ANKDD1A: variants seen among roughly 807,000 people sequenced by gnomAD.
ANKDD1A encodes the protein ankyrin repeat and death domain-containing protein 1A.
A neutral mutation model predicts 63.5 loss-of-function variants in ANKDD1A; 59 were observed. The ratio of observed to expected loss-of-function variants is 0.93; its 90% confidence interval spans 0.75 to 1.15. ANKDD1A has a LOEUF of 1.15. ANKDD1A is among the 50% of genes most tolerant of loss of function. The pLI, the probability that ANKDD1A is intolerant of heterozygous loss-of-function variation, is 0.00. For synonymous variants in ANKDD1A, 266 were observed against 263.9 expected (o/e 1.01, Z -0.08); for missense variants, 632 against 656.4 (o/e 0.96, Z 0.41).
chr15:64,950,067 TG>T, intron 14 of ANKDD1A, 95 bp downstream of exon 14: 1 of 1,554,720 alleles, frequency 6.4e-7, no homozygotes. Flanking sequence ...ACAAGAATGC[TG>T]TGATGCTGGC....
intron 14 of ANKDD1A, among the ~76,000 whole-genome samples, chr15:64,952,334 TCTC>T (rs1417768785): frequency 1.8e-3 from 39 of 21,816 alleles, no homozygotes; most frequent in East Asian, 0.011. Context: ...CCTTCTTCCT[TCTC>T]CTTCTTCTTA....
At chr15:64,929,550 G>C (rs2085072714) in intron 6 of ANKDD1A, among the ~76,000 whole-genome samples, 1 of 152,176 alleles carries the variant, frequency 6.6e-6, no homozygotes, top group East Asian at 1.9e-4. Context: ...TGCGCCCTCT[G>C]CCCTGCCCCA....
chr15:64,927,906 G>A (rs1000496130), intron 6 of ANKDD1A, among the ~76,000 whole-genome samples: 1 of 152,188 alleles, frequency 6.6e-6, no homozygotes, highest in South Asian at 2.1e-4. Flanking sequence ...CGCCCGGCCT[G>A]TTACAGCAAA....
chr15:64,950,727 C>CGGGGGGGGGGGGGG, intron 14 of ANKDD1A: 2 of 425,070 alleles, frequency 4.7e-6, no homozygotes, highest in Non-Finnish European at 5.2e-6. Context: ...AAAGAAAGGA[C>CGGGGGGGGGGGGGG]CGCCCCCCCC....
chr15:64,952,662 C>CTTCTCCTCCT (rs1566916901), intron 14 of ANKDD1A, among the ~76,000 whole-genome samples: 637 of 86,340 alleles, frequency 7.4e-3, no homozygotes, highest in Non-Finnish European at 0.012. Flanking sequence ...CTTCTTCTTC[C>CTTCTCCTCCT]CCTTCTTCCT....
chr15:64,915,772 C>A, intron 1 of ANKDD1A, 25 bp from the exon 2 acceptor site: 1 of 1,605,020 alleles, frequency 6.2e-7, no homozygotes, highest in South Asian at 1.1e-5. Context: ...TCCCCCTCAT[C>A]CTGCACCCCA....
intron 11 of ANKDD1A, 108 bp downstream of exon 11, chr15:64,943,690 C>A: frequency 9.4e-7 from 1 of 1,059,498 alleles, no homozygotes; most frequent in Non-Finnish European, 1.4e-6. Context: ...TGTTCAAGGA[C>A]TGTCATCCTT....
intron 14 of ANKDD1A, among the ~76,000 whole-genome samples, chr15:64,951,720 C>CGTTCCTTTCTTTTCTTTCTTT (rs1276132353): frequency 7.3e-6 from 1 of 136,252 alleles, no homozygotes; most frequent in African/African-American, 2.7e-5. Context: ...TCTTTTTCTT[C>CGTTCCTTTCTTTTCTTTCTTT]CCTTTTCTTC....
At chr15:64,913,155 C>T (rs557794648) in intron 1 of ANKDD1A, among the ~76,000 whole-genome samples, 1 of 152,314 alleles carries the variant, frequency 6.6e-6, no homozygotes, top group African/African-American at 2.4e-5. Flanking sequence ...CCAGGCCAAT[C>T]CCCCTAAGCT....
chr15:64,917,167 G>A (rs906668232), intron 2 of ANKDD1A, among the ~76,000 whole-genome samples: 15 of 152,202 alleles, frequency 9.9e-5, no homozygotes, highest in Admixed American at 3.3e-4. Context: ...AGTTTTAGAT[G>A]GGGACAGATG....
Position 64,951,770 on chromosome 15 carries a change from CTT to C in ANKDD1A, c.1483+1799_1483+1800del, listed in dbSNP as rs1370652226. Reference sequence around the variant, plus strand: ...CTCTTCTTCCTTCTTTCCTTTTCTTCTTCTTTCCTTTCTTCTTCCTTCTTTCT... The same window carrying C: ...CTCTTCTTCCTTCTTTCCTTTTCTTCCTTTCCTTTCTTCTTCCTTCTTTCT... On this transcript the variant is annotated intron_variant, in intron 14 of 14. Coordinates refer to ENST00000319580, the MANE Select transcript of ANKDD1A (RefSeq NM_182703.6). 5.9e-3 allele frequency among the ~76,000 whole-genome samples: 806 copies of C among 136,972 alleles called. 3 individuals are homozygous for C. Among genetic ancestry groups the C allele is most frequent in the Non-Finnish European group, 9.6e-3 (618 of 64,230 alleles). 89.9% of individuals were successfully genotyped at this position (136,972 alleles called of 152,430 possible).
intron 4 of ANKDD1A, 75 bp downstream of exon 4, chr15:64,922,094 TC>T: frequency 1.4e-6 from 2 of 1,385,294 alleles, no homozygotes; most frequent in Non-Finnish European, 2.0e-6. Context: ...CCGACCTCTG[TC>T]CCCCACCCCT....
At position 64,953,487 on chromosome 15, in the gene ANKDD1A, T is replaced by TCTC. The variant is rs2085342060; in HGVS notation, c.1483+3517_1483+3518insCCT. On this transcript the variant is annotated intron_variant, in intron 14 of 14. Transcript: ENST00000319580. ...TCTTCTTCTTCCTCTTCCTTCTCCT[T>TCTC]CTTCTTTAGTTCTTCCTCCTCTTCC... Among the ~76,000 whole-genome samples the TCTC allele has an allele frequency of 1.5e-4, 5 of 34,408 alleles. No homozygotes were observed. The Admixed American group carries it at 2.5e-3, about 17-fold the overall frequency. 22.6% of individuals were successfully genotyped at this position (34,408 alleles called of 152,430 possible).
intron 10 of ANKDD1A, chr15:64,943,269 TAGTACACAAAA>T: frequency 1.8e-6 from 1 of 547,214 alleles, no homozygotes; most frequent in African/African-American, 1.9e-5. Flanking sequence ...TCAGAGTTTA[TAGTACACAAAA>T]AGTGTCATGT....
chr15:64,954,305 C>CCTTCTACTT (rs939819934), intron 14 of ANKDD1A, among the ~76,000 whole-genome samples: 63 of 140,718 alleles, frequency 4.5e-4, no homozygotes, highest in Non-Finnish European at 8.1e-4. Flanking sequence ...CTTTTCTTCT[C>CCTTCTACTT]CTTCTCTTCC....
chr15:64,920,807 C>T (rs1595846969), intron 3 of ANKDD1A, among the ~76,000 whole-genome samples: 1 of 151,020 alleles, frequency 6.6e-6, no homozygotes, highest in Non-Finnish European at 1.5e-5. Flanking sequence ...CTTGGTCCCT[C>T]CCAAAGTGTT....
intron 14 of ANKDD1A, among the ~76,000 whole-genome samples, chr15:64,954,876 TC>T (rs1230555933): frequency 4.0e-5 from 1 of 24,852 alleles, no homozygotes; most frequent in Non-Finnish European, 3.5e-4. Flanking sequence ...CTTTTCTTCT[TC>T]CTTCTCCTCC....
chr15:64,953,647 C>CTTCT lies in ANKDD1A; in HGVS notation c.1484-3455_1484-3452dup, dbSNP rs2085353257. On this transcript the variant is annotated intron_variant, in intron 14 of 14. Coordinates refer to ENST00000319580, the MANE Select transcript of ANKDD1A (RefSeq NM_182703.6). ...TTCTTCTTCCTTCTTCTTCCTCTTC[C>CTTCT]TTCTCCTTCTTTTCTTTCTTCTCCT... Among the ~76,000 whole-genome samples, 39 of 5,478 alleles carry CTTCT rather than the reference C, an allele frequency of 7.1e-3. No homozygotes were observed. The South Asian group carries it at 0.094, about 13-fold the overall frequency. 3.6% of individuals were successfully genotyped at this position (5,478 alleles called of 152,430 possible).
intron 4 of ANKDD1A, among the ~76,000 whole-genome samples, chr15:64,923,950 G>C (rs2085027124): frequency 6.6e-6 from 1 of 152,234 alleles, no homozygotes; most frequent in Non-Finnish European, 1.5e-5. Flanking sequence ...TAGTTAAGCA[G>C]ATCCCCTCTA....
Sources: gnomAD v4.1 joint callset for allele counts (sites outside exome capture counted in the v4.1 genomes callset) on GRCh38, gnomAD v4.1.1 for gene constraint, MANE v1.5 for transcripts, NCBI Gene and HGNC (gene_info 2026-07-23, HGNC 2026-07-21) for gene names.